The following MCUB variants were observed in gnomAD, a reference collection of about 807,000 sequenced individuals.
MCUB encodes mitochondrial calcium uniporter dominant negative subunit beta.
In MCUB, 46 loss-of-function variants were observed where a neutral mutation model predicts 41.4. The ratio of observed to expected loss-of-function variants is 1.11; its 90% CI spans 0.88 to 1.42. The LOEUF (loss-of-function observed/expected upper bound fraction) is 1.42, where lower values mean the gene tolerates loss of function less well. Ranked by LOEUF, MCUB falls within the 40% of genes most tolerant of loss-of-function variation. MCUB has a pLI of 0.00. For synonymous variants in MCUB, 148 were observed against 148.2 expected, an observed-to-expected ratio of 1.00 and a Z score of 0.01; for missense variants, 403 against 404.9, an observed-to-expected ratio of 1.00 and a Z score of 0.04.
At position 109,657,239 on chromosome 4, in the gene MCUB, AT is replaced by A. The variant is rs1358725001; in HGVS notation, c.100-1771del. On this transcript the variant is annotated intron_variant, in intron 1 of 7. Transcript: ENST00000394650. The stretch of plus-strand genomic sequence containing the variant: ...ATCTCAAAAAAAAAAAAAAAAAAAA[AT>A]AGAAAGCTCAAATGAACAGTCTTAA... Among the ~76,000 whole-genome samples, 649 of 145,362 alleles carry A rather than the reference AT, an allele frequency of 4.5e-3. 6 individuals carry two copies. The highest frequency in any genetic ancestry group is 0.015 in the African/African-American group (596 of 38,638).
intron 1 of MCUB, among the ~76,000 whole-genome samples, chr4:109,658,186 C>T (rs1729146887): frequency 6.6e-6 from 1 of 152,180 alleles, no homozygotes; most frequent in African/African-American, 2.4e-5. Context: ...CCATATCGGA[C>T]AGCACAGATC....
intron 1 of MCUB, among the ~76,000 whole-genome samples, chr4:109,617,107 A>G (rs558892064): frequency 3.9e-5 from 6 of 152,112 alleles, no homozygotes; most frequent in African/African-American, 9.7e-5. Flanking sequence ...TGATTTACCT[A>G]TCTTCACTGT....
intron 2 of MCUB, 61 bp from the exon 3 acceptor site, chr4:109,660,134 G>T: frequency 1.2e-6 from 1 of 825,378 alleles, no homozygotes; most frequent in Non-Finnish European, 1.9e-6. Flanking sequence ...TAGAATTCTT[G>T]TATTTATGGT....
chr4:109,654,305 T>C (rs867191281), intron 1 of MCUB, among the ~76,000 whole-genome samples: 64 of 152,164 alleles, frequency 4.2e-4, no homozygotes, highest in African/African-American at 1.5e-3. Flanking sequence ...CTGGATGTTA[T>C]AGTGATACTT....
In MCUB at chr4:109,688,220, AGCC is replaced by A. The variant is rs1167987302; in HGVS notation, c.*629_*631del. The stretch of plus-strand genomic sequence containing the variant: ...GAAGCCAAAACAGTTAACTTTCTTC[AGCC>A]TCTGGCAGATTATTAACAAAACAGT... On this transcript the variant is annotated 3_prime_UTR_variant, in exon 8 of 8. Coordinates refer to ENST00000394650, the MANE Select transcript of MCUB (RefSeq NM_017918.5). 3.9e-5 allele frequency: 6 copies of A among 152,262 alleles called. No individual in the cohort carries two copies. Among genetic ancestry groups the A allele is most frequent in the African/African-American group, 1.2e-4 (5 of 41,464 alleles). The allele number at this position is 152,262 out of a possible 1,614,324, so 9.4% of individuals were successfully genotyped here. A position where few individuals can be genotyped will look rare whatever the true frequency, so the allele number is the denominator to read the frequency against.
At chr4:109,650,405 C>A (rs1475703750) in intron 1 of MCUB, among the ~76,000 whole-genome samples, 1 of 152,010 alleles carries the variant, frequency 6.6e-6, no homozygotes, top group East Asian at 1.9e-4. Flanking sequence ...AATATTTGAC[C>A]CCTTGTTATT....
intron 1 of MCUB, among the ~76,000 whole-genome samples, chr4:109,614,970 T>C (rs1408513769): frequency 6.6e-6 from 1 of 152,200 alleles, no homozygotes; most frequent in Non-Finnish European, 1.5e-5. Flanking sequence ...AACCAGTTTA[T>C]ACTGTTTAAC....
At position 109,664,272 on chromosome 4, in the gene MCUB, A is replaced by T; in HGVS notation, c.347-18A>T. The T allele has an allele frequency of 8.5e-7, 1 of 1,173,986 alleles. No homozygotes were observed. The highest frequency in any genetic ancestry group is 1.3e-6 in the Non-Finnish European group (1 of 779,396). The allele number at this position is 1,173,986 out of a possible 1,614,324, so 72.7% of individuals were successfully genotyped here. Reference sequence around the variant, plus strand: ...TTCTAAAACAAAGACATGCTCATGCATGATGTTTTTCTTTCAGATGGCAAC... The same window carrying T: ...TTCTAAAACAAAGACATGCTCATGCTTGATGTTTTTCTTTCAGATGGCAAC... On this transcript the variant is annotated intron_variant, in intron 3 of 7. Transcript: ENST00000394650.
At chr4:109,622,877 C>T (rs1728280457) in intron 1 of MCUB, among the ~76,000 whole-genome samples, 1 of 152,202 alleles carries the variant, frequency 6.6e-6, no homozygotes, top group African/African-American at 2.4e-5. Context: ...CAGCAAGCTA[C>T]AGCTCCCAGC....
At chr4:109,605,474 A>G (rs543280359) in intron 1 of MCUB, among the ~76,000 whole-genome samples, 76 of 152,342 alleles carry the variant, frequency 5.0e-4, no homozygotes, top group African/African-American at 1.8e-3. Context: ...AGAATGATCC[A>G]TGTGCTGAAG....
At chr4:109,662,520 A>G (rs912423818) in intron 3 of MCUB, among the ~76,000 whole-genome samples, 3 of 152,246 alleles carry the variant, frequency 2.0e-5, no homozygotes, top group African/African-American at 7.2e-5. Context: ...AAGAAAGAGA[A>G]TAGAAGTCTT....
intron 1 of MCUB, among the ~76,000 whole-genome samples, chr4:109,627,543 A>G (rs1378683240): frequency 6.6e-6 from 1 of 152,142 alleles, no homozygotes. Flanking sequence ...TTCAGCAGAT[A>G]TTTTCATGAG....
At chr4:109,684,747 C>A (rs556124431) in intron 6 of MCUB, 101 bp downstream of exon 6, 2 of 637,092 alleles carry the variant, frequency 3.1e-6, no homozygotes, top group South Asian at 2.1e-5. Flanking sequence ...TGAATTACTG[C>A]CATCTGGTTT....
At chr4:109,629,002 G>A (rs1043348358) in intron 1 of MCUB, among the ~76,000 whole-genome samples, 1 of 152,198 alleles carries the variant, frequency 6.6e-6, no homozygotes, top group Non-Finnish European at 1.5e-5. Flanking sequence ...CAGCAGTTTA[G>A]GACTTGGTGC....
At chr4:109,675,682 A>T (rs1729559864) in intron 4 of MCUB, among the ~76,000 whole-genome samples, 2 of 152,178 alleles carry the variant, frequency 1.3e-5, no homozygotes, top group Admixed American at 1.3e-4. Flanking sequence ...TTGGGATGTG[A>T]GGCGTATTGG....
At chr4:109,614,340 C>G (rs1342067253) in intron 1 of MCUB, among the ~76,000 whole-genome samples, 1 of 152,034 alleles carries the variant, frequency 6.6e-6, no homozygotes, top group Non-Finnish European at 1.5e-5. Flanking sequence ...ATGTGGAAAC[C>G]TTAAGCCTCA....
intron 1 of MCUB, among the ~76,000 whole-genome samples, chr4:109,611,628 T>C (rs2126133452): frequency 1.3e-5 from 2 of 152,330 alleles, no homozygotes; most frequent in Middle Eastern, 6.8e-3. Context: ...ATTCCTTAGA[T>C]ATCATACAAG....
intron 4 of MCUB, among the ~76,000 whole-genome samples, chr4:109,677,255 G>T (rs936910892): frequency 6.6e-6 from 1 of 152,074 alleles, no homozygotes; most frequent in Non-Finnish European, 1.5e-5. Flanking sequence ...TACCTATCCA[G>T]CCATTGTATT....
At chr4:109,584,855 G>A (rs1727267867) in intron 1 of MCUB, among the ~76,000 whole-genome samples, 1 of 152,174 alleles carries the variant, frequency 6.6e-6, no homozygotes, top group Non-Finnish European at 1.5e-5. Context: ...TATTTGCTGA[G>A]GAGTGCTTTA....
Sources: gnomAD v4.1 joint callset for allele counts (sites outside exome capture counted in the v4.1 genomes callset) on GRCh38, gnomAD v4.1.1 for gene constraint, MANE v1.5 for transcripts, NCBI Gene and HGNC (gene_info 2026-07-23, HGNC 2026-07-21) for gene names.